Variants in SCAPER observed in about 807,000 individuals in gnomAD.
SCAPER encodes S-phase cyclin A associated protein in the ER.
A neutral mutation model predicts 182.2 loss-of-function variants in SCAPER; 98 were observed. The ratio of observed to expected loss-of-function variants is 0.54; its 90% CI spans 0.46 to 0.64. SCAPER has a LOEUF of 0.64. Among genes scored for constraint, SCAPER ranks in the 30% least tolerant of loss-of-function variants. The pLI, the probability that SCAPER is intolerant of heterozygous loss-of-function variation, is 0.00. For missense variants in SCAPER, 1,432 were observed against 1,690.0 expected, an observed-to-expected ratio of 0.85 and a Z score of 2.68; for synonymous variants, 605 against 564.6, an observed-to-expected ratio of 1.07 and a Z score of -1.01.
At chr15:76,782,546 A>G in intron 8 of SCAPER, among the ~76,000 whole-genome samples, 1 of 152,194 alleles carries the variant, frequency 6.6e-6, no homozygotes, top group Non-Finnish European at 1.5e-5. Flanking sequence ...AGACATCTAC[A>G]GAACTCTCCA....
intron 23 of SCAPER, among the ~76,000 whole-genome samples, chr15:76,533,115 G>A (rs2043819483): frequency 6.6e-6 from 1 of 152,168 alleles, no homozygotes; most frequent in African/African-American, 2.4e-5. Context: ...ACTGGGAAAA[G>A]ACTTCCTAAA....
rs372301947 is a variant in SCAPER at position 76,674,963 on chromosome 15, C to T, written c.2509-9174G>A. ...TTTTATAAGAAGCATGTGTTACTTT[C>T]GGAAGCAGAAAGAAAACCTCCATAA... On this transcript the variant is annotated intron_variant, in intron 20 of 31. Transcript: ENST00000563290. Among the ~76,000 whole-genome samples, 44 of 152,212 alleles carry T rather than the reference C, an allele frequency of 2.9e-4. 2 individuals are homozygous for T. The highest frequency in any genetic ancestry group is 3.4e-3 in the Middle Eastern group (1 of 294).
chr15:76,837,538 AT>A lies in SCAPER; in HGVS notation c.393+4195del, dbSNP rs1436453970. Among the ~76,000 whole-genome samples the A allele has an allele frequency of 4.6e-5, 7 of 152,214 alleles. No individual in the cohort carries two copies. The East Asian group carries it at 1.3e-3, about 29-fold the overall frequency. On this transcript the variant is annotated intron_variant, in intron 5 of 31. Transcript: ENST00000563290. Reference sequence around the variant, plus strand: ...ACTCACTCACTATCACGAGAACAGAATGAGGGTAACCACCTCTGTGATTAAA... The same window carrying A: ...ACTCACTCACTATCACGAGAACAGAAGAGGGTAACCACCTCTGTGATTAAA...
chr15:76,869,465 A>G (rs944499167), intron 2 of SCAPER, among the ~76,000 whole-genome samples: 2 of 152,202 alleles, frequency 1.3e-5, no homozygotes, highest in Non-Finnish European at 2.9e-5. Context: ...CTAAATAGAC[A>G]TTTCTCAAAA....
chr15:76,575,200 C>T (rs1018882861), intron 22 of SCAPER, among the ~76,000 whole-genome samples: 4 of 152,054 alleles, frequency 2.6e-5, no homozygotes, highest in African/African-American at 9.7e-5. Context: ...TTAATGAAAA[C>T]AACTGGCAGA....
At chr15:76,387,413 C>T (rs569803174) in intron 27 of SCAPER, among the ~76,000 whole-genome samples, 2 of 152,166 alleles carry the variant, frequency 1.3e-5, no homozygotes, top group African/African-American at 2.4e-5. Context: ...AACAGTGTCT[C>T]ATATACAGTA....
chr15:76,490,056 T>C (rs2052130568), intron 24 of SCAPER, among the ~76,000 whole-genome samples: 1 of 152,172 alleles, frequency 6.6e-6, no homozygotes, highest in Non-Finnish European at 1.5e-5. Flanking sequence ...TCAATGGACA[T>C]TCAAGTTGTT....
At chr15:76,525,690 C>T (rs1464137549) in intron 23 of SCAPER, among the ~76,000 whole-genome samples, 1 of 152,138 alleles carries the variant, frequency 6.6e-6, no homozygotes, top group Non-Finnish European at 1.5e-5. Flanking sequence ...GACATGATTT[C>T]ATTCTTTTTT....
At chr15:76,555,454 G>C (rs1237120943) in intron 23 of SCAPER, among the ~76,000 whole-genome samples, 1 of 152,114 alleles carries the variant, frequency 6.6e-6, no homozygotes, top group Non-Finnish European at 1.5e-5. Context: ...GGATAAAGAA[G>C]CATGACCCAA....
At chr15:76,536,363 G>C (rs1017129527) in intron 23 of SCAPER, among the ~76,000 whole-genome samples, 1 of 151,926 alleles carries the variant, frequency 6.6e-6, no homozygotes, top group Non-Finnish European at 1.5e-5. Flanking sequence ...AATAAAAATT[G>C]GGAAAAAAAC....
intron 14 of SCAPER, 22 bp from the exon 15 acceptor site, chr15:76,753,970 A>G: frequency 1.2e-6 from 2 of 1,608,344 alleles, no homozygotes; most frequent in Non-Finnish European, 1.7e-6. Context: ...GAATCATCAC[A>G]TCCTTAATTT....
Position 76,668,116 on chromosome 15 carries a change from G to A in SCAPER, c.2509-2327C>T, listed in dbSNP as rs1031967513. Among the ~76,000 whole-genome samples the A allele has an allele frequency of 5.9e-5, 9 of 152,146 alleles. No homozygotes were observed. The South Asian group carries it at 1.0e-3, about 18-fold the overall frequency. ...GAAAGTGTTCTCTATTTGAGTAAACGGTACCATCATTTGCATAATTGCTCA... is the reference window on the plus strand; with the variant it reads ...GAAAGTGTTCTCTATTTGAGTAAACAGTACCATCATTTGCATAATTGCTCA... On this transcript the variant is annotated intron_variant, in intron 20 of 31. Coordinates refer to ENST00000563290, the MANE Select transcript of SCAPER (RefSeq NM_020843.4).
chr15:76,820,702 C>G (rs2067471017), intron 5 of SCAPER, among the ~76,000 whole-genome samples: 1 of 151,242 alleles, frequency 6.6e-6, no homozygotes, highest in Non-Finnish European at 1.5e-5. Flanking sequence ...AACAAACCTG[C>G]ACGTTGTGCA....
At chr15:76,525,278 G>A (rs1170601149) in intron 23 of SCAPER, among the ~76,000 whole-genome samples, 2 of 151,914 alleles carry the variant, frequency 1.3e-5, no homozygotes. Flanking sequence ...AAGGCCCTTA[G>A]CATACTTTAA....
intron 22 of SCAPER, among the ~76,000 whole-genome samples, chr15:76,609,022 C>G (rs762928827): frequency 2.0e-5 from 3 of 152,128 alleles, no homozygotes; most frequent in Non-Finnish European, 2.9e-5. Context: ...GTGCGCTGTG[C>G]CTACCGTCCT....
intron 24 of SCAPER, among the ~76,000 whole-genome samples, chr15:76,501,283 C>T (rs1298649320): frequency 6.7e-6 from 1 of 149,194 alleles, no homozygotes; most frequent in East Asian, 2.0e-4. Context: ...CAACCTACTG[C>T]AGACTCAGAA....
At chr15:76,756,879 AGCTTAT>A (rs563996358) in intron 14 of SCAPER, among the ~76,000 whole-genome samples, 123 of 152,346 alleles carry the variant, frequency 8.1e-4, no homozygotes, top group South Asian at 1.7e-3. Context: ...AGGGAATCAT[AGCTTAT>A]TATATGATAA....
At chr15:76,900,128 T>A (rs1394285566) in intron 1 of SCAPER, among the ~76,000 whole-genome samples, 1 of 152,112 alleles carries the variant, frequency 6.6e-6, no homozygotes, top group African/African-American at 2.4e-5. Flanking sequence ...GTTAAACAGA[T>A]GCTTGAAGGC....
At position 76,455,732 on chromosome 15, in the gene SCAPER, C is replaced by T. The variant is rs867338274; in HGVS notation, c.3078+15480G>A. Among the ~76,000 whole-genome samples, 149 of 152,224 alleles carry T rather than the reference C, an allele frequency of 9.8e-4. 3 individuals carry two copies. The highest frequency in any genetic ancestry group is 3.4e-3 in the Middle Eastern group (1 of 294). On this transcript the variant is annotated intron_variant, in intron 25 of 31. Coordinates refer to ENST00000563290, the MANE Select transcript of SCAPER (RefSeq NM_020843.4). ...AACGTGCAGGTTACATAGGTATACA[C>T]GTGCCGTGGTGGTTTGCTGCACCTA...
Sources: gnomAD v4.1 joint callset for allele counts (sites outside exome capture counted in the v4.1 genomes callset) on GRCh38, gnomAD v4.1.1 for gene constraint, MANE v1.5 for transcripts, NCBI Gene and HGNC (gene_info 2026-07-23, HGNC 2026-07-21) for gene names.